The following CYB5B variants were observed in gnomAD, a reference collection of about 807,000 sequenced individuals.
The protein encoded by CYB5B is cytochrome b5 type B.
A neutral mutation model predicts 21.3 loss-of-function variants in CYB5B; 14 were observed. The observed-to-expected ratio is 0.66, with a 90% CI of 0.43 to 1.03. The LOEUF is 1.03. Ranked by LOEUF, CYB5B falls within the 50% of genes least tolerant of loss-of-function variation. CYB5B has a pLI of 0.00. For synonymous variants in CYB5B, 69 were observed against 68.4 expected, an observed-to-expected ratio of 1.01 and a Z score of -0.04; for missense variants, 166 against 185.1, an observed-to-expected ratio of 0.90 and a Z score of 0.60.
At chr16:69,457,026 A>G (rs1478396832) in intron 3 of CYB5B, among the ~76,000 whole-genome samples, 2 of 152,044 alleles carry the variant, frequency 1.3e-5, no homozygotes, top group African/African-American at 2.4e-5. Flanking sequence ...CTTTCCTTTA[A>G]TGGGTTAGAC....
chr16:69,444,204 T>C (rs1334373108), intron 1 of CYB5B: 1 of 157,972 alleles, frequency 6.3e-6, no homozygotes, highest in Admixed American at 6.4e-5. Context: ...GAACATGTAG[T>C]GGCAGATCAT....
At chr16:69,460,731 G>A (rs2015027323) in intron 4 of CYB5B, among the ~76,000 whole-genome samples, 1 of 152,152 alleles carries the variant, frequency 6.6e-6, no homozygotes, top group Non-Finnish European at 1.5e-5. Flanking sequence ...AATGTTCATA[G>A]CAGTGTTATT....
At chr16:69,453,032 T>C (rs1261637240) in intron 3 of CYB5B, among the ~76,000 whole-genome samples, 1 of 151,988 alleles carries the variant, frequency 6.6e-6, no homozygotes, top group African/African-American at 2.4e-5. Flanking sequence ...ATTTTTTAAG[T>C]AGATATTTAG....
Position 69,462,597 on chromosome 16 carries a change from C to A in CYB5B, c.*77C>A. 1 of 1,213,098 alleles carries A rather than the reference C, an allele frequency of 8.2e-7. No individual in the cohort carries two copies. Among genetic ancestry groups the A allele is most frequent in the Non-Finnish European group, 1.2e-6 (1 of 827,148 alleles). 75.1% of individuals were successfully genotyped at this position (1,213,098 alleles called of 1,614,324 possible). The stretch of plus-strand genomic sequence containing the variant: ...GACTTGCTTGGGGGCTGCAGAAGTG[C>A]CCTCTCCTCGAATCCTGCCAGTTGC... On this transcript the variant is annotated 3_prime_UTR_variant, in exon 5 of 5. Transcript: ENST00000307892.
chr16:69,427,035 T>C (rs1033991070), intron 1 of CYB5B, among the ~76,000 whole-genome samples: 1 of 151,954 alleles, frequency 6.6e-6, no homozygotes, highest in Non-Finnish European at 1.5e-5. Flanking sequence ...AGTTCAGGAG[T>C]TCGAGACCAG....
At chr16:69,455,857 A>G (rs2014979396) in intron 3 of CYB5B, among the ~76,000 whole-genome samples, 1 of 152,064 alleles carries the variant, frequency 6.6e-6, no homozygotes, top group Non-Finnish European at 1.5e-5. Flanking sequence ...GACATAAGAG[A>G]ATGGTGTTTT....
At chr16:69,456,012 T>C (rs1300166010) in intron 3 of CYB5B, among the ~76,000 whole-genome samples, 3 of 152,244 alleles carry the variant, frequency 2.0e-5, no homozygotes, top group Non-Finnish European at 4.4e-5. Flanking sequence ...AACTGATTTA[T>C]AACATTGGGC....
Position 69,424,851 on chromosome 16 carries a change from C to A in CYB5B, c.168C>A (p.Leu56=). 6.3e-7 allele frequency: 1 copy of A among 1,577,788 alleles called. No individual in the cohort carries two copies. The highest frequency in any genetic ancestry group is 1.2e-5 in the South Asian group (1 of 86,608). ...GAGTCTACGATGTCACCCGCTTCCTCAACGAGGTGGGGCCTGGGAGGTGGG... is the reference window on the plus strand; with the variant it reads ...GAGTCTACGATGTCACCCGCTTCCTAAACGAGGTGGGGCCTGGGAGGTGGG... ...HGRVYDVTRF[L]NEHPGGEEVL... The change falls in exon 1 of 5, where the codon CTC becomes CTA. Residue 56 remains leucine, a synonymous_variant. Coordinates refer to ENST00000307892, the MANE Select transcript of CYB5B (RefSeq NM_030579.3).
rs942475709 is a variant in CYB5B, at chr16:69,451,908, A to C, written c.333+3764A>C. ...CAGTGAGCAGAGATCGCGCCACTGCACTCCAGCCTGGGCGACAAAGCGAGA... is the reference window on the plus strand; with the variant it reads ...CAGTGAGCAGAGATCGCGCCACTGCCCTCCAGCCTGGGCGACAAAGCGAGA... On this transcript the variant is annotated intron_variant, in intron 3 of 4. Transcript: ENST00000307892. Among the ~76,000 whole-genome samples the C allele has an allele frequency of 1.4e-4, 20 of 143,964 alleles. No homozygotes were observed. The Admixed American group carries it at 1.5e-3, about 11-fold the overall frequency. The allele number at this position is 143,964 out of a possible 152,430, so 94.4% of individuals were successfully genotyped here.
chr16:69,427,522 G>A (rs1040360652), intron 1 of CYB5B, among the ~76,000 whole-genome samples: 2 of 150,570 alleles, frequency 1.3e-5, no homozygotes, highest in Non-Finnish European at 3.0e-5. Flanking sequence ...CTCTTTACCT[G>A]CAGTTTTGTT....
intron 3 of CYB5B, chr16:69,448,965 TA>T (rs757988663): frequency 4.6e-5 from 7 of 152,192 alleles, no homozygotes; most frequent in Non-Finnish European, 1.0e-4. Flanking sequence ...ACACAGCAAT[TA>T]AAGTTGGCCT....
intron 3 of CYB5B, chr16:69,449,812 G>C (rs2014914597): frequency 6.6e-6 from 1 of 152,182 alleles, no homozygotes; most frequent in African/African-American, 2.4e-5. Flanking sequence ...TTTGCTGAAT[G>C]ATATGCCCAT....
chr16:69,445,409 G>C (rs1450361487), intron 1 of CYB5B, among the ~76,000 whole-genome samples: 1 of 152,096 alleles, frequency 6.6e-6, no homozygotes, highest in Non-Finnish European at 1.5e-5. Context: ...TGACTGGGAA[G>C]TAACACTTAC....
chr16:69,431,846 G>C (rs2014709574), intron 1 of CYB5B, among the ~76,000 whole-genome samples: 1 of 152,132 alleles, frequency 6.6e-6, no homozygotes, highest in African/African-American at 2.4e-5. Flanking sequence ...AACAAAAACA[G>C]ACAGATGAAA....
Position 69,462,839 on chromosome 16 carries a change from T to G in CYB5B, c.*319T>G, listed in dbSNP as rs1449478575. On this transcript the variant is annotated 3_prime_UTR_variant, in exon 5 of 5. Transcript: ENST00000307892. ...TAGTGACATTGCTCTTTGGTAAAAA[T>G]GCCTGCTTTCCAATACTTTGATTGC... 4.2e-6 allele frequency: 1 copy of G among 239,290 alleles called. No homozygotes were observed. Among genetic ancestry groups the G allele is most frequent in the African/African-American group, 2.2e-5 (1 of 45,490 alleles). The allele number at this position is 239,290 out of a possible 1,614,324, so 14.8% of individuals were successfully genotyped here. A position where few individuals can be genotyped will look rare whatever the true frequency, so the allele number is the denominator to read the frequency against.
At chr16:69,435,954 T>C (rs1481215024) in intron 1 of CYB5B, among the ~76,000 whole-genome samples, 1 of 152,182 alleles carries the variant, frequency 6.6e-6, no homozygotes, top group Non-Finnish European at 1.5e-5. Context: ...TATAATTTTA[T>C]AGAAAGAATG....
intron 1 of CYB5B, among the ~76,000 whole-genome samples, chr16:69,446,298 G>C (rs1402816233): frequency 6.6e-6 from 1 of 152,048 alleles, no homozygotes; most frequent in Non-Finnish European, 1.5e-5. Flanking sequence ...ACTTCCTGAG[G>C]CACTACTTTA....
chr16:69,447,283 G>C lies in CYB5B; in HGVS notation c.303+5G>C. On this transcript the variant is annotated splice_donor_5th_base_variant and intron_variant, in intron 2 of 4. Transcript: ENST00000307892. ...TACATTGGTGATATCCATCCGGTAA[G>C]AACTATCAGAGATGGGAGCCCTTAT... 6.2e-7 allele frequency: 1 copy of C among 1,612,774 alleles called. No homozygotes were observed. Among genetic ancestry groups the C allele is most frequent in the Non-Finnish European group, 8.5e-7 (1 of 1,179,578 alleles).
At chr16:69,447,367 C>T (rs138249871) in intron 2 of CYB5B, 89 bp downstream of exon 2, 5 of 1,513,718 alleles carry the variant, frequency 3.3e-6, no homozygotes, top group East Asian at 2.3e-5. Context: ...ATTGGCTGGG[C>T]GTGGTGGCTC....
Sources: gnomAD v4.1 joint callset for allele counts (sites outside exome capture counted in the v4.1 genomes callset) on GRCh38, gnomAD v4.1.1 for gene constraint, MANE v1.5 for transcripts, NCBI Gene and HGNC (gene_info 2026-07-23, HGNC 2026-07-21) for gene names.